The following COL4A4 variants were observed in gnomAD, a reference collection of about 807,000 sequenced individuals.
The protein encoded by COL4A4 is collagen type IV alpha 4 chain, also known as collagen alpha-4(IV) chain.
In COL4A4, 105 loss-of-function variants were observed where a neutral mutation model predicts 192.9. The observed-to-expected ratio is 0.54, with a 90% CI of 0.46 to 0.64. The LOEUF (loss-of-function observed/expected upper bound fraction) is 0.64, where lower values mean the gene tolerates loss of function less well. Ranked by LOEUF, COL4A4 falls within the 30% of genes least tolerant of loss-of-function variation. The pLI is 0.00. For missense variants in COL4A4, 1,967 were observed against 2,169.3 expected (o/e 0.91, Z 1.85); for synonymous variants, 762 against 769.9 (o/e 0.99, Z 0.17).
At chr2:227,093,063 C>G (rs1430423455) in intron 20 of COL4A4, among the ~76,000 whole-genome samples, 1 of 152,120 alleles carries the variant, frequency 6.6e-6, no homozygotes, top group African/African-American at 2.4e-5. Flanking sequence ...AACAGTTTGA[C>G]TCTTAAACCT....
chr2:227,014,767 G>T (rs770786473), intron 44 of COL4A4, among the ~76,000 whole-genome samples: 1 of 152,088 alleles, frequency 6.6e-6, no homozygotes, highest in Non-Finnish European at 1.5e-5. Context: ...CTGGAGTGGA[G>T]TGGCACAATC....
chr2:227,105,730 T>A (rs554548292), intron 12 of COL4A4, among the ~76,000 whole-genome samples: 1 of 152,206 alleles, frequency 6.6e-6, no homozygotes. Context: ...TCTTTCTTTT[T>A]GTCATAGTTA....
chr2:226,971,379 C>G, the COL4A4 span, among the ~76,000 whole-genome samples: 31 of 152,324 alleles, frequency 2.0e-4, no homozygotes, highest in East Asian at 6.0e-3. Context: ...GGGCTCATTT[C>G]CTTTGCACTG....
chr2:227,009,726 GAAGAGAAAAGAGAAGAGAA>G (rs1484086494), intron 46 of COL4A4, among the ~76,000 whole-genome samples: 1 of 46,000 alleles, frequency 2.2e-5, no homozygotes, highest in African/African-American at 9.3e-5. Flanking sequence ...AAAGAGAAGA[GAAGAGAAAAGAGAAGAGAA>G]GAGAGAAGAG....
the COL4A4 span, among the ~76,000 whole-genome samples, chr2:226,984,169 G>C: frequency 6.6e-6 from 1 of 152,258 alleles, no homozygotes; most frequent in Non-Finnish European, 1.5e-5. Context: ...AGCTGTGACA[G>C]CCAGCACCTG....
intron 4 of COL4A4, among the ~76,000 whole-genome samples, chr2:227,133,909 A>G (rs1320678535): frequency 6.6e-6 from 1 of 152,022 alleles, no homozygotes; most frequent in African/African-American, 2.4e-5. Flanking sequence ...AAAAAAGAAA[A>G]AGAATTTAAA....
At chr2:227,017,424 A>T (rs537212241) in intron 44 of COL4A4, among the ~76,000 whole-genome samples, 1 of 152,298 alleles carries the variant, frequency 6.6e-6, no homozygotes, top group African/African-American at 2.4e-5. Context: ...CATCAAAACA[A>T]ACCCTCCAGT....
intron 25 of COL4A4, among the ~76,000 whole-genome samples, chr2:227,072,856 A>C (rs2058801443): frequency 6.6e-6 from 1 of 151,924 alleles, no homozygotes; most frequent in Non-Finnish European, 1.5e-5. Context: ...TTCCTTTATG[A>C]CAAAAAATCT....
intron 35 of COL4A4, among the ~76,000 whole-genome samples, chr2:227,044,871 A>G (rs1420695544): frequency 6.6e-6 from 1 of 152,222 alleles, no homozygotes; most frequent in Non-Finnish European, 1.5e-5. Context: ...AACATATAAT[A>G]CAATTTAAAA....
At position 227,060,215 on chromosome 2, in the gene COL4A4, A is replaced by G. The variant is rs750034156; in HGVS notation, c.2085T>C (p.Gly695=). The G allele has an allele frequency of 9.3e-6, 15 of 1,609,062 alleles. No individual in the cohort carries two copies. The highest frequency in any genetic ancestry group is 1.3e-5 in the Non-Finnish European group (15 of 1,178,022). ...CATCTGAACCACTCAGCCCAGGGGCACCTTGGGGACCTGGAAATCCCTTCG... is the reference window on the plus strand; with the variant it reads ...CATCTGAACCACTCAGCCCAGGGGCGCCTTGGGGACCTGGAAATCCCTTCG... ...PGPKGFPGPQ[G]APGLSGSDGH... Residue 695 remains glycine, a synonymous_variant, in exon 27 of 48, where the codon GGT becomes GGC. Transcript: ENST00000396625.
intron 2 of COL4A4, 43 bp downstream of exon 2, chr2:227,147,370 A>G (rs765692012): frequency 6.5e-7 from 1 of 1,549,062 alleles, no homozygotes; most frequent in Non-Finnish European, 8.9e-7. Context: ...CATTGAGTAG[A>G]AATTACTAAA....
chr2:227,131,835 A>T (rs2062492760), intron 4 of COL4A4, among the ~76,000 whole-genome samples: 1 of 152,148 alleles, frequency 6.6e-6, no homozygotes, highest in African/African-American at 2.4e-5. Flanking sequence ...CGATGTGAAG[A>T]CAGAGGCACA....
At chr2:227,111,560 T>C in intron 9 of COL4A4, 118 bp downstream of exon 9, 1 of 1,106,344 alleles carries the variant, frequency 9.0e-7, no homozygotes, top group Non-Finnish European at 1.4e-6. Context: ...AACCCACATT[T>C]TCATTTTGCA....
chr2:227,064,976 C>G (rs886486790), intron 25 of COL4A4, among the ~76,000 whole-genome samples: 1 of 152,176 alleles, frequency 6.6e-6, no homozygotes, highest in Non-Finnish European at 1.5e-5. Flanking sequence ...TCTGAGGTAC[C>G]GGGTTCATCT....
At chr2:227,094,834 TTA>T (rs2060125958) in intron 19 of COL4A4, among the ~76,000 whole-genome samples, 1 of 152,186 alleles carries the variant, frequency 6.6e-6, no homozygotes, top group Admixed American at 6.6e-5. Flanking sequence ...TAAACAATTT[TTA>T]TATGTCAGTG....
chr2:227,040,887 A>G (rs1970677913), intron 37 of COL4A4, among the ~76,000 whole-genome samples: 2 of 152,142 alleles, frequency 1.3e-5, no homozygotes, highest in Admixed American at 1.3e-4. Context: ...AAGTGGAAGA[A>G]ATGGACTGAA....
At chr2:227,048,966 G>T (rs1405389715) in intron 34 of COL4A4, among the ~76,000 whole-genome samples, 2 of 152,182 alleles carry the variant, frequency 1.3e-5, no homozygotes, top group African/African-American at 2.4e-5. Flanking sequence ...TTTATAGAGT[G>T]TCTCTCAAAG....
intron 25 of COL4A4, among the ~76,000 whole-genome samples, chr2:227,067,369 A>G (rs2058411611): frequency 6.6e-6 from 1 of 152,246 alleles, no homozygotes. Flanking sequence ...AAGCAGACCT[A>G]ATAGACATCT....
intron 45 of COL4A4, among the ~76,000 whole-genome samples, chr2:227,011,213 G>T (rs897765911): frequency 3.3e-5 from 5 of 152,190 alleles, no homozygotes; most frequent in Non-Finnish European, 7.3e-5. Flanking sequence ...AGAGCAAAAG[G>T]TGAAGTTAGA....
Sources: allele counts gnomAD v4.1 joint callset (sites outside exome capture counted in the v4.1 genomes callset), GRCh38; gene constraint gnomAD v4.1.1; transcripts MANE v1.5; gene names NCBI Gene and HGNC (gene_info 2026-07-23, HGNC 2026-07-21).